DDB1: variants seen among roughly 807,000 people sequenced by gnomAD.
The protein encoded by DDB1 is DNA damage-binding protein 1.
DDB1 carries 18 observed loss-of-function variants against 133.1 expected under a neutral mutation model. The observed-to-expected ratio is 0.14, with a 90% CI of 0.09 to 0.20. The LOEUF is 0.20. Ranked by LOEUF, DDB1 falls within the 10% of genes least tolerant of loss-of-function variation. The pLI is 1.00. For synonymous variants in DDB1, 580 were observed against 550.5 expected (o/e 1.05, Z -0.75); for missense variants, 828 against 1,459.2 (o/e 0.57, Z 7.05).
intron 5 of DDB1, 47 bp downstream of exon 5, chr11:61,326,732 C>T (rs201887040): frequency 2.7e-6 from 4 of 1,493,416 alleles, no homozygotes; most frequent in Non-Finnish European, 2.8e-6. Context: ...GAACAGGGAA[C>T]TAGCCTAGAC....
chr11:61,330,331 T>C (rs1251567479), intron 2 of DDB1: 4 of 304,268 alleles, frequency 1.3e-5, no homozygotes, highest in Non-Finnish European at 2.4e-5. Flanking sequence ...AACAAAGTCT[T>C]CATCTATTTC....
chr11:61,309,120 C>T lies in DDB1; in HGVS notation c.2567-43G>A. ...ATGTTTGAGTCTCTATGAGCCCACA[C>T]TTTACCTCATCAAAAGAATCCTCTG... is the stretch of plus-strand genomic sequence containing the variant. On this transcript the variant is annotated intron_variant, in intron 20 of 26. Coordinates refer to ENST00000301764, the MANE Select transcript of DDB1 (RefSeq NM_001923.5). The T allele has an allele frequency of 1.9e-6, 3 of 1,576,476 alleles. No homozygotes were observed. In the Middle Eastern group the frequency reaches 5.0e-4, roughly 263 times the overall value.
At position 61,323,092 on chromosome 11, in the gene DDB1, G is replaced by A; in HGVS notation, c.924C>T (p.Thr308=). ...GGTATGTCAAGCACTCAGCAATAGA[G>A]GTCTGGAAGAAAGTCAGCAACGTGA... ...KDLRVELLGE[T]SIAECLTYLD... Residue 308 remains threonine, a splice_region_variant and synonymous_variant, in exon 8 of 27, where the codon ACC becomes ACT. Transcript: ENST00000301764. 6.2e-7 allele frequency: 1 copy of A among 1,613,672 alleles called. No individual in the cohort carries two copies.
chr11:61,332,696 G>A (rs1278351275), intron 1 of DDB1: 1 of 431,466 alleles, frequency 2.3e-6, no homozygotes, highest in African/African-American at 2.1e-5. Context: ...AGGACGAAAG[G>A]GGACCCTCGA....
chr11:61,300,785 A>C (rs763537244), intron 26 of DDB1, 24 bp downstream of exon 26: 1 of 1,613,652 alleles, frequency 6.2e-7, no homozygotes, highest in Non-Finnish European at 8.5e-7. Flanking sequence ...TGTCTGGCCC[A>C]GGGTTAAACA....
chr11:61,315,833 T>C (rs759547062), intron 12 of DDB1: 19 of 155,614 alleles, frequency 1.2e-4, no homozygotes, highest in Non-Finnish European at 1.8e-4. Context: ...TTATAATTAG[T>C]ATGTGGAAAG....
At chr11:61,318,024 C>T (rs1236940450) in intron 10 of DDB1, among the ~76,000 whole-genome samples, 1 of 152,146 alleles carries the variant, frequency 6.6e-6, no homozygotes, top group Non-Finnish European at 1.5e-5. Flanking sequence ...TACAGGCCCA[C>T]TATGCAACAC....
In DDB1 at chr11:61,309,945, T is replaced by C. The variant is rs902122743; in HGVS notation, c.2417A>G (p.Gln806Arg). Reference protein sequence around the residue: ...QHTFEVLHAHQFLQNEYALSL... With the variant: ...QHTFEVLHAHRFLQNEYALSL... Reference sequence around the variant, plus strand: ...GAGGGCATATTCATTCTGCAGAAACTGGTGGGCATGAAGCACTAGAGAGTA... The same window carrying C: ...GAGGGCATATTCATTCTGCAGAAACCGGTGGGCATGAAGCACTAGAGAGTA... Residue 806 changes from glutamine (Q) to arginine (R), a missense_variant, in exon 20 of 27, where the codon CAG (glutamine) becomes CGG (arginine). By Grantham distance (43) the Gln-to-Arg change is conservative. This residue lies in a region of DDB1 where 396 missense variants were observed against 554.1 expected (regional missense o/e 0.71). Transcript: ENST00000301764. 6.2e-7 allele frequency: 1 copy of C among 1,614,206 alleles called. No individual in the cohort carries two copies. The highest frequency in any genetic ancestry group is 8.5e-7 in the Non-Finnish European group (1 of 1,180,050).
intron 26 of DDB1, among the ~76,000 whole-genome samples, chr11:61,300,601 C>A (rs1174409057): frequency 3.3e-5 from 5 of 152,208 alleles, no homozygotes; most frequent in Admixed American, 6.5e-5. Flanking sequence ...GAGTTACTAG[C>A]ACAGCATCTG....
intron 10 of DDB1, among the ~76,000 whole-genome samples, chr11:61,320,236 T>C (rs376978455): frequency 2.0e-5 from 3 of 152,000 alleles, no homozygotes; most frequent in East Asian, 3.9e-4. Context: ...AGTCTCACTA[T>C]GTGGCCCAGG....
intron 22 of DDB1, chr11:61,303,374 T>G (rs370230409): frequency 2.0e-6 from 1 of 493,656 alleles, no homozygotes; most frequent in Non-Finnish European, 3.7e-6. Context: ...TAGTCAGAGT[T>G]TGAGTTGGGA....
chr11:61,302,713 T>C lies in DDB1; in HGVS notation c.2981A>G (p.Glu994Gly). Residue 994 changes from glutamate to glycine, a missense_variant, in exon 24 of 27, where the codon GAG (glutamate) becomes GGG (glycine). By Grantham distance (98) the Glu-to-Gly change is moderately conservative. This residue lies in a region of DDB1 where 116 missense variants were observed against 221.6 expected (regional missense o/e 0.52). Transcript: ENST00000301764. ...TTDEERQHLQ[E>G]VGLFHLGEFV... ...CTCGCCCAGGTGGAAAAGACCAACC[T>C]CCTGGAGGTGCTGCCGCTCCTCGTC... The C allele has an allele frequency of 6.2e-7, 1 of 1,614,114 alleles. No homozygotes were observed. The highest frequency in any genetic ancestry group is 1.1e-5 in the South Asian group (1 of 91,080).
intron 4 of DDB1, 103 bp from the exon 5 acceptor site, chr11:61,326,996 C>A: frequency 2.5e-6 from 2 of 795,780 alleles, no homozygotes; most frequent in East Asian, 2.4e-5. Flanking sequence ...ATCTGACAGT[C>A]CTGTCATGTC....
chr11:61,310,192 A>G (rs1855941279), intron 19 of DDB1, 103 bp downstream of exon 19: 1 of 1,507,986 alleles, frequency 6.6e-7, no homozygotes, highest in Non-Finnish European at 9.0e-7. Flanking sequence ...TGCTCCTCCT[A>G]GGACAGTCTG....
intron 8 of DDB1, 45 bp downstream of exon 8, chr11:61,322,966 C>A: frequency 6.7e-7 from 1 of 1,501,540 alleles, no homozygotes; most frequent in Non-Finnish European, 9.2e-7. Flanking sequence ...GATGAAGAAA[C>A]AGTGAGTACA....
chr11:61,327,554 GA>G (rs1387337340), intron 4 of DDB1: 4 of 152,276 alleles, frequency 2.6e-5, no homozygotes, highest in African/African-American at 9.7e-5. Flanking sequence ...ACACCTATGA[GA>G]TTTTTTTTAA....
chr11:61,317,478 T>G (rs1856109775), intron 10 of DDB1, among the ~76,000 whole-genome samples: 1 of 152,208 alleles, frequency 6.6e-6, no homozygotes, highest in Non-Finnish European at 1.5e-5. Context: ...TACATTTCCA[T>G]GACCCAAAGT....
At chr11:61,323,361 T>C (rs1225823461) in intron 7 of DDB1, 2 of 427,302 alleles carry the variant, frequency 4.7e-6, no homozygotes, top group Admixed American at 3.7e-5. Context: ...TAAGTATTAA[T>C]ATTAAACTTT....
intron 7 of DDB1, chr11:61,323,319 T>C (rs1490862103): frequency 1.8e-6 from 1 of 553,180 alleles, no homozygotes; most frequent in East Asian, 3.0e-5. Flanking sequence ...CTATAATTTG[T>C]CTTGCATATT....
Sources: gnomAD v4.1 joint callset for allele counts (sites outside exome capture counted in the v4.1 genomes callset) on GRCh38, gnomAD v4.1.1 for gene constraint, gnomAD v4.1.1 regional missense constraint, MANE v1.5 for transcripts, NCBI Gene and HGNC (gene_info 2026-07-23, HGNC 2026-07-21) for gene names.